GABRB3: variants seen among roughly 807,000 people sequenced by gnomAD.
GABRB3 encodes gamma-aminobutyric acid type A receptor subunit beta3.
Under a neutral mutation model 52.1 loss-of-function variants are expected in GABRB3, and 14 were observed. The observed-to-expected ratio is 0.27, with a 90% CI of 0.18 to 0.42. The LOEUF (loss-of-function observed/expected upper bound fraction) is 0.42, where lower values mean the gene tolerates loss of function less well. Ranked by LOEUF, GABRB3 falls within the 10% of genes least tolerant of loss-of-function variation. GABRB3 has a pLI of 1.00. For missense variants in GABRB3, 307 were observed against 609.1 expected, an observed-to-expected ratio of 0.50 and a Z score of 5.22; for synonymous variants, 260 against 232.3, an observed-to-expected ratio of 1.12 and a Z score of -1.08.
chr15:26,583,601 A>G (rs1890866521), intron 4 of GABRB3, among the ~76,000 whole-genome samples, 187 bp from the exon 5 acceptor site: 1 of 151,780 alleles, frequency 6.6e-6, no homozygotes, highest in Non-Finnish European at 1.5e-5. Flanking sequence ...AATATAGACC[A>G]GATTTATCAA....
In GABRB3 at chr15:26,621,019, C is replaced by T. The variant is rs975540646; in HGVS notation, c.461+295G>A. ...CGATATTAATTACAGGCCTCTGTGG[C>T]TATGATATGGAAAATCCATCCTGAG... is the stretch of plus-strand genomic sequence containing the variant. On this transcript the variant is annotated intron_variant, in intron 4 of 8. Transcript: ENST00000311550. The surrounding 1 kb of genome is among the most constrained non-coding windows in gnomAD (Gnocchi z 4.1). 6.6e-6 allele frequency among the ~76,000 whole-genome samples: 1 copy of T among 152,132 alleles called. No homozygotes were observed. The highest frequency in any genetic ancestry group is 6.5e-5 in the Admixed American group (1 of 15,278).
At chr15:26,609,536 A>G (rs1415938273) in intron 4 of GABRB3, among the ~76,000 whole-genome samples, 1 of 152,210 alleles carries the variant, frequency 6.6e-6, no homozygotes, top group Non-Finnish European at 1.5e-5. Flanking sequence ...TATTGTATAA[A>G]GCTAACTACT....
In GABRB3 at chr15:26,764,170, AAAAAAAAAAATATATATATATATATAT is replaced by A. The variant is rs1293170515; in HGVS notation, c.240+8205_240+8231del. On this transcript the variant is annotated intron_variant, in intron 3 of 8. Transcript: ENST00000311550. ...GTCTCAAAAAAAAAAAAAAAAAAAA[AAAAAAAAAAATATATATATATATATAT>A]ATATATATATATATATATATATATA... 2.9e-3 allele frequency among the ~76,000 whole-genome samples: 64 copies of A among 22,428 alleles called. 9 individuals carry two copies. Among genetic ancestry groups the A allele is most frequent in the African/African-American group, 3.8e-3 (28 of 7,286 alleles). 14.7% of individuals were successfully genotyped at this position (22,428 alleles called of 152,430 possible). A position where few individuals can be genotyped will look rare whatever the true frequency, so the allele number is the denominator to read the frequency against.
intron 3 of GABRB3, among the ~76,000 whole-genome samples, chr15:26,758,003 C>A (rs1459592755): frequency 6.6e-6 from 1 of 151,954 alleles, no homozygotes; most frequent in Non-Finnish European, 1.5e-5. Flanking sequence ...TAATGGAATT[C>A]TAACATGTTT....
At chr15:26,668,851 A>C (rs1176509371) in intron 3 of GABRB3, among the ~76,000 whole-genome samples, 1 of 152,230 alleles carries the variant, frequency 6.6e-6, no homozygotes, top group African/African-American at 2.4e-5. Flanking sequence ...ATGATTTAAG[A>C]AGCATAAACA....
At chr15:26,693,620 CAAACA>C (rs1225877618) in intron 3 of GABRB3, among the ~76,000 whole-genome samples, 3 of 151,980 alleles carry the variant, frequency 2.0e-5, no homozygotes, top group African/African-American at 7.3e-5. Flanking sequence ...AAAAGCTGAA[CAAACA>C]AAACAAAACA....
rs1424598021 is a variant in GABRB3, at chr15:26,543,776, C to T, written c.*4017G>A. 2 of 152,564 alleles carry T rather than the reference C, an allele frequency of 1.3e-5. No homozygotes were observed. The highest frequency in any genetic ancestry group is 1.3e-4 in the Admixed American group (2 of 15,278). The allele number at this position is 152,564 out of a possible 1,614,324, so 9.5% of individuals were successfully genotyped here. A position where few individuals can be genotyped will look rare whatever the true frequency, so the allele number is the denominator to read the frequency against. ...TCCTACTAGAATAATCCTGTACTTA[C>T]CTTAAACACACTCACTGACTTGTGA... is the stretch of plus-strand genomic sequence containing the variant. On this transcript the variant is annotated 3_prime_UTR_variant, in exon 9 of 9. Transcript: ENST00000311550.
intron 8 of GABRB3, among the ~76,000 whole-genome samples, chr15:26,558,745 A>C (rs1371044786): frequency 6.6e-6 from 1 of 152,176 alleles, no homozygotes. Context: ...TCTACTAAAA[A>C]TATAAAAATT....
intron 3 of GABRB3, among the ~76,000 whole-genome samples, chr15:26,726,692 G>C (rs964516401): frequency 6.6e-6 from 1 of 152,154 alleles, no homozygotes; most frequent in Admixed American, 6.5e-5. Context: ...GATCATACAA[G>C]GAGGGACACG....
At chr15:26,607,323 A>G (rs184080889) in intron 4 of GABRB3, among the ~76,000 whole-genome samples, 1 of 152,192 alleles carries the variant, frequency 6.6e-6, no homozygotes, top group East Asian at 1.9e-4. Flanking sequence ...AACTAATTTA[A>G]AAGTAAAATC....
At chr15:26,716,495 C>T (rs931207800) in intron 3 of GABRB3, 20 of 660,516 alleles carry the variant, frequency 3.0e-5, no homozygotes, top group African/African-American at 1.4e-4. Flanking sequence ...CATGAAGAAA[C>T]GATGCTCAGG....
intron 4 of GABRB3, among the ~76,000 whole-genome samples, chr15:26,597,984 C>G (rs1287623180): frequency 6.6e-6 from 1 of 152,122 alleles, no homozygotes; most frequent in East Asian, 1.9e-4. Flanking sequence ...GCCTGAAGTA[C>G]AAATGGGCTG....
At chr15:26,700,109 C>A (rs1669961474) in intron 3 of GABRB3, among the ~76,000 whole-genome samples, 1 of 151,270 alleles carries the variant, frequency 6.6e-6, no homozygotes. Context: ...GGAAAAAAAA[C>A]AAACAAAACA....
intron 7 of GABRB3, among the ~76,000 whole-genome samples, chr15:26,563,629 C>T (rs112552352): frequency 0.017 from 2,645 of 152,262 alleles, 36 homozygotes; most frequent in Middle Eastern, 0.031. Flanking sequence ...AAATAGTAAC[C>T]GGCACTGTTA....
chr15:26,624,475 T>C (rs750156861), intron 3 of GABRB3: 183 of 985,342 alleles, frequency 1.9e-4, no homozygotes, highest in Non-Finnish European at 2.1e-4. Context: ...AGAGAACTTG[T>C]CAGTCAGCCC....
chr15:26,628,855 C>T, intron 3 of GABRB3: 8 of 1,022,076 alleles, frequency 7.8e-6, no homozygotes, highest in African/African-American at 1.6e-5. Flanking sequence ...AGGCCTGAAA[C>T]GGCAGTCCTC....
At chr15:26,590,761 T>C (rs889323975) in intron 4 of GABRB3, among the ~76,000 whole-genome samples, 5 of 152,206 alleles carry the variant, frequency 3.3e-5, no homozygotes, top group Admixed American at 2.6e-4. Flanking sequence ...AAGTTGACTA[T>C]GTTAGCAGCC....
intron 3 of GABRB3, among the ~76,000 whole-genome samples, chr15:26,761,104 A>G (rs1366475873): frequency 2.6e-5 from 4 of 152,198 alleles, no homozygotes; most frequent in African/African-American, 7.2e-5. Flanking sequence ...ATAGAATTAT[A>G]CAAAATTAGG....
intron 3 of GABRB3, among the ~76,000 whole-genome samples, chr15:26,644,980 G>A (rs930092001): frequency 3.9e-5 from 6 of 152,254 alleles, no homozygotes; most frequent in East Asian, 1.9e-4. Context: ...TTAGTGGCTC[G>A]TTCCTCTAAT....
Sources: allele counts gnomAD v4.1 joint callset (sites outside exome capture counted in the v4.1 genomes callset), GRCh38; gene constraint gnomAD v4.1.1; non-coding constraint Gnocchi (gnomAD v3.1); transcripts MANE v1.5; gene names NCBI Gene and HGNC (gene_info 2026-07-23, HGNC 2026-07-21).